EXOC4: variants seen among roughly 807,000 people sequenced by gnomAD.
EXOC4 encodes the protein SEC8-like 1.
EXOC4 carries 71 observed loss-of-function variants against 107.2 expected under a neutral mutation model. That is an observed-to-expected ratio of 0.66 (90% CI 0.55 to 0.81). The LOEUF (loss-of-function observed/expected upper bound fraction) is 0.81. Among genes scored for constraint, EXOC4 ranks in the 30% least tolerant of loss-of-function variants. The pLI, the probability that EXOC4 is intolerant of heterozygous loss-of-function variation, is 0.00. For synonymous variants in EXOC4, 456 were observed against 441.2 expected (o/e 1.03, Z -0.42); for missense variants, 1,108 against 1,189.6 (o/e 0.93, Z 1.01).
At chr7:133,706,225 T>A (rs1794765975) in intron 10 of EXOC4, among the ~76,000 whole-genome samples, 2 of 152,230 alleles carry the variant, frequency 1.3e-5, no homozygotes, top group Admixed American at 6.5e-5. Flanking sequence ...AATCCTTTTA[T>A]TAGTTCCATT....
chr7:133,379,776 A>T (rs1232217321), intron 7 of EXOC4, among the ~76,000 whole-genome samples: 1 of 152,136 alleles, frequency 6.6e-6, no homozygotes, highest in Non-Finnish European at 1.5e-5. Flanking sequence ...AAAGTAAGAT[A>T]TCATGTCTTC....
intron 13 of EXOC4, among the ~76,000 whole-genome samples, chr7:133,923,886 CT>C (rs1459564286): frequency 1.3e-5 from 2 of 152,170 alleles, no homozygotes; most frequent in Non-Finnish European, 2.9e-5. Flanking sequence ...TATTTTCCCC[CT>C]GCATCTGATA....
At chr7:133,984,285 G>A (rs112157540) in intron 14 of EXOC4, among the ~76,000 whole-genome samples, 5 of 152,130 alleles carry the variant, frequency 3.3e-5, no homozygotes, top group African/African-American at 9.7e-5. Context: ...CTAAGGGAAC[G>A]ACTATCCATT....
chr7:133,713,555 G>A (rs1819904), intron 10 of EXOC4, among the ~76,000 whole-genome samples: 149,641 of 152,310 alleles, frequency 0.98, 73,586 homozygotes, highest in Middle Eastern at 1. Flanking sequence ...ACACAAGAAA[G>A]GTATTTGATA....
Position 133,777,322 on chromosome 7 carries a change from A to AT in EXOC4, c.1515-40003_1515-40002insT, listed in dbSNP as rs1363531815. On this transcript the variant is annotated intron_variant, in intron 10 of 17. Coordinates refer to ENST00000253861, the MANE Select transcript of EXOC4 (RefSeq NM_021807.4). ...GAGAGAGAGAGAGAGAGAGAGAGAGAATATATATATATATCAATTAAATGT... is the reference window on the plus strand; with the variant it reads ...GAGAGAGAGAGAGAGAGAGAGAGAGATATATATATATATATCAATTAAATGT... Among the ~76,000 whole-genome samples the AT allele has an allele frequency of 2.7e-3, 379 of 138,834 alleles. 1 individual carries two copies. Among genetic ancestry groups the AT allele is most frequent in the South Asian group, 0.021 (90 of 4,266 alleles). The allele number at this position is 138,834 out of a possible 152,430, so 91.1% of individuals were successfully genotyped here.
At chr7:133,698,712 G>T (rs1794593268) in intron 10 of EXOC4, among the ~76,000 whole-genome samples, 1 of 151,906 alleles carries the variant, frequency 6.6e-6, no homozygotes, top group African/African-American at 2.4e-5. Context: ...AACACACTCT[G>T]TGCCTTGTTT....
intron 16 of EXOC4, 51 bp from the exon 17 acceptor site, chr7:134,007,625 C>A: frequency 6.6e-7 from 1 of 1,516,288 alleles, no homozygotes. Flanking sequence ...TGCAGGAATG[C>A]CTCTAATCTG....
chr7:134,022,684 CAA>C (rs1320521305), intron 17 of EXOC4, among the ~76,000 whole-genome samples: 1 of 152,144 alleles, frequency 6.6e-6, no homozygotes, highest in Non-Finnish European at 1.5e-5. Flanking sequence ...CTCACCTGGA[CAA>C]AGAGAGAGAA....
At chr7:133,318,789 G>T (rs1795046162) in intron 5 of EXOC4, among the ~76,000 whole-genome samples, 1 of 152,210 alleles carries the variant, frequency 6.6e-6, no homozygotes, top group Non-Finnish European at 1.5e-5. Flanking sequence ...CTACAGGAAA[G>T]TATAGAATTT....
At chr7:133,565,491 T>A (rs752404597) in intron 9 of EXOC4, among the ~76,000 whole-genome samples, 4 of 152,204 alleles carry the variant, frequency 2.6e-5, no homozygotes, top group Non-Finnish European at 5.9e-5. Flanking sequence ...CCTTGAGGAC[T>A]CGTTAAAACA....
chr7:133,815,351 G>A (rs1461734955), intron 10 of EXOC4, among the ~76,000 whole-genome samples: 2 of 149,632 alleles, frequency 1.3e-5, no homozygotes. Flanking sequence ...CTCCATCCTG[G>A]GTGACGGAGT....
intron 9 of EXOC4, among the ~76,000 whole-genome samples, chr7:133,591,800 A>T (rs1262847965): frequency 6.6e-6 from 1 of 152,148 alleles, no homozygotes; most frequent in Non-Finnish European, 1.5e-5. Context: ...GAACGAATGC[A>T]TGTAGGTTGG....
In EXOC4 at chr7:133,755,255, A is replaced by ATATATAT. The variant is rs1554397102; in HGVS notation, c.1515-62069_1515-62063dup. 3.7e-3 allele frequency among the ~76,000 whole-genome samples: 374 copies of ATATATAT among 100,424 alleles called. 4 individuals are homozygous for ATATATAT. Among genetic ancestry groups the ATATATAT allele is most frequent in the African/African-American group, 0.016 (357 of 22,198 alleles). 65.9% of individuals were successfully genotyped at this position (100,424 alleles called of 152,430 possible). A position where few individuals can be genotyped will look rare whatever the true frequency, so the allele number is the denominator to read the frequency against. On this transcript the variant is annotated intron_variant, in intron 10 of 17. Coordinates refer to ENST00000253861, the MANE Select transcript of EXOC4 (RefSeq NM_021807.4). The stretch of plus-strand genomic sequence containing the variant: ...ATATAATATATATAATATATATATT[A>ATATATAT]TATATATATTATATATATTATATAT...
At chr7:133,982,402 A>G (rs943858751) in intron 14 of EXOC4, among the ~76,000 whole-genome samples, 21 of 152,114 alleles carry the variant, frequency 1.4e-4, no homozygotes, top group African/African-American at 5.1e-4. Context: ...AATACAAAAA[A>G]TTAGCCAGGC....
chr7:133,421,105 T>C (rs1052391858), intron 7 of EXOC4, among the ~76,000 whole-genome samples: 1 of 152,044 alleles, frequency 6.6e-6, no homozygotes, highest in African/African-American at 2.4e-5. Flanking sequence ...AATTCTTTTA[T>C]ATGTTAAGTT....
chr7:133,835,026 T>C (rs1295424604), intron 11 of EXOC4, among the ~76,000 whole-genome samples: 2 of 152,188 alleles, frequency 1.3e-5, no homozygotes, highest in African/African-American at 4.8e-5. Context: ...AAGATGTGAC[T>C]TGCACCTCCT....
At chr7:133,451,852 T>C (rs973350677) in intron 7 of EXOC4, among the ~76,000 whole-genome samples, 2 of 152,164 alleles carry the variant, frequency 1.3e-5, no homozygotes, top group African/African-American at 2.4e-5. Flanking sequence ...ATTGATATGA[T>C]GGAAAGAGGT....
chr7:133,549,041 T>A (rs771273982), intron 9 of EXOC4, among the ~76,000 whole-genome samples: 2 of 152,230 alleles, frequency 1.3e-5, no homozygotes, highest in East Asian at 3.9e-4. Context: ...TCTTGCTTTG[T>A]CACCCAGGCC....
intron 10 of EXOC4, among the ~76,000 whole-genome samples, chr7:133,679,804 A>G (rs1223791596): frequency 6.6e-6 from 1 of 152,346 alleles, no homozygotes; most frequent in African/African-American, 2.4e-5. Flanking sequence ...AAGCTAAAAG[A>G]TTGCTCATAA....
Sources: allele counts gnomAD v4.1 joint callset (sites outside exome capture counted in the v4.1 genomes callset), GRCh38; gene constraint gnomAD v4.1.1; transcripts MANE v1.5; gene names NCBI Gene and HGNC (gene_info 2026-07-23, HGNC 2026-07-21).